CRADD: variants seen among roughly 807,000 people sequenced by gnomAD.
CRADD encodes the protein death domain-containing protein CRADD.
A neutral mutation model predicts 15.5 loss-of-function variants in CRADD; 9 were observed. That is an observed-to-expected ratio of 0.58 (90% CI 0.35 to 1.01). CRADD has a LOEUF of 1.01. CRADD is among the 50% of genes least tolerant of loss of function. CRADD has a pLI of 0.02. For synonymous variants in CRADD, 118 were observed against 107.6 expected (o/e 1.10, Z -0.60); for missense variants, 227 against 250.3 (o/e 0.91, Z 0.63).
At chr12:93,759,498 C>G (rs1329306923) in intron 2 of CRADD, among the ~76,000 whole-genome samples, 1 of 152,104 alleles carries the variant, frequency 6.6e-6, no homozygotes, top group Non-Finnish European at 1.5e-5. Context: ...TTCTCTTCAT[C>G]TTTCATTTTG....
downstream of CRADD, among the ~76,000 whole-genome samples, chr12:93,851,364 A>G (rs1028802517): frequency 2.6e-5 from 4 of 152,062 alleles, no homozygotes; most frequent in Non-Finnish European, 5.9e-5. Flanking sequence ...TTGCATGCTC[A>G]TTGAAGAAGC....
At chr12:93,854,517 AG>A (rs1958255397), downstream of CRADD, among the ~76,000 whole-genome samples, 1 of 152,216 alleles carries the variant, frequency 6.6e-6, no homozygotes, top group Non-Finnish European at 1.5e-5. Flanking sequence ...CTCTACCAAA[AG>A]GCATGGAGAG....
In CRADD at chr12:93,814,004, G is replaced by C. The variant is rs188030371; in HGVS notation, c.299-35966G>C. On this transcript the variant is annotated intron_variant, in intron 2 of 2. Coordinates refer to ENST00000332896, the MANE Select transcript of CRADD (RefSeq NM_003805.5). ...TCCTAGACCAAAAGTCCAAATTAAG[G>C]GGTATAGGCAGTTAAGGGCAAGTGA... Among the ~76,000 whole-genome samples the C allele has an allele frequency of 5.5e-3, 843 of 152,230 alleles. 9 individuals carry two copies. Among genetic ancestry groups the C allele is most frequent in the African/African-American group, 0.019 (804 of 41,544 alleles).
chr12:93,747,000 C>T (rs1956762917), intron 2 of CRADD, among the ~76,000 whole-genome samples: 2 of 151,810 alleles, frequency 1.3e-5, no homozygotes, highest in Admixed American at 6.6e-5. Flanking sequence ...CAAATGAGTT[C>T]AGGTCAGGTC....
At chr12:93,782,683 A>G (rs1311445392) in intron 2 of CRADD, among the ~76,000 whole-genome samples, 3 of 152,032 alleles carry the variant, frequency 2.0e-5, no homozygotes, top group Admixed American at 6.5e-5. Context: ...CTGACTAACT[A>G]AAAAAATGCC....
Position 93,706,354 on chromosome 12 carries a change from A to G in CRADD, c.298+27282A>G, listed in dbSNP as rs12321096. Among the ~76,000 whole-genome samples the G allele has an allele frequency of 9.3e-3, 1,421 of 152,338 alleles. 17 individuals carry two copies. Among genetic ancestry groups the G allele is most frequent in the African/African-American group, 0.033 (1,361 of 41,550 alleles). ...ATTCATAGTATGAAAAATGTGGGTG[A>G]TAGACTATGATTAGACATAGTTCAA... On this transcript the variant is annotated intron_variant, in intron 2 of 2. Transcript: ENST00000332896.
At chr12:93,837,225 G>C (rs1248114127) in intron 2 of CRADD, 1 of 152,240 alleles carries the variant, frequency 6.6e-6, no homozygotes, top group Non-Finnish European at 1.5e-5. Context: ...AAAATTTACT[G>C]TACCAGATAT....
At chr12:93,859,713 A>G (rs1002915889) in intron 2 of CRADD, among the ~76,000 whole-genome samples, 4 of 151,526 alleles carry the variant, frequency 2.6e-5, no homozygotes, top group Admixed American at 1.3e-4. Flanking sequence ...AAAGGGTGGG[A>G]GATTTCTTTG....
At chr12:93,732,797 AT>A (rs1162797686) in intron 2 of CRADD, among the ~76,000 whole-genome samples, 4 of 152,196 alleles carry the variant, frequency 2.6e-5, no homozygotes, top group Admixed American at 1.3e-4. Context: ...AAATGACATA[AT>A]TTTTGTAAAG....
At chr12:93,750,241 G>A (rs61405115) in intron 2 of CRADD, among the ~76,000 whole-genome samples, 1,724 of 151,406 alleles carry the variant, frequency 0.011, 38 homozygotes, top group African/African-American at 0.039. Context: ...GGAGAGGGAA[G>A]TGTGGTTATC....
intron 2 of CRADD, among the ~76,000 whole-genome samples, chr12:93,684,149 AGGGCAT>A (rs1258271464): frequency 2.0e-5 from 3 of 152,192 alleles, no homozygotes; most frequent in Non-Finnish European, 4.4e-5. Flanking sequence ...AGATCAGTTG[AGGGCAT>A]TCATGCGTTC....
chr12:93,892,871 C>T (rs1189541400), intron 2 of CRADD, among the ~76,000 whole-genome samples: 6 of 152,316 alleles, frequency 3.9e-5, no homozygotes, highest in African/African-American at 1.4e-4. Context: ...AAAGCCTTTC[C>T]ATGGGCCCAT....
Position 93,679,008 on chromosome 12 carries a change from G to A in CRADD, c.234G>A (p.Glu78=). The part of the protein sequence containing the change: ...AFDTFLDSLQ[E]FPWVREKLKK... ...ATACATTCCTAGATTCCCTACAGGA[G>A]TTTCCCTGGGTCAGGGAGAAGCTGA... Residue 78 remains glutamate, a synonymous_variant, in exon 2 of 3, where the codon GAG becomes GAA. Transcript: ENST00000332896. The A allele has an allele frequency of 6.2e-7, 1 of 1,614,040 alleles. No homozygotes were observed. The highest frequency in any genetic ancestry group is 8.5e-7 in the Non-Finnish European group (1 of 1,179,864).
chr12:93,798,756 C>T (rs1957446868), intron 2 of CRADD, among the ~76,000 whole-genome samples: 1 of 152,196 alleles, frequency 6.6e-6, no homozygotes, highest in Admixed American at 6.5e-5. Flanking sequence ...ATGGCTGGCT[C>T]CTTTGGCAAG....
Position 93,850,343 on chromosome 12 carries a change from C to A in CRADD, c.*72C>A. Reference sequence around the variant, plus strand: ...GCTGAATCCTGACTTTCACTCAGAGCAGGTGGTTTTTTGTGTAGGTTTGTT... The same window carrying A: ...GCTGAATCCTGACTTTCACTCAGAGAAGGTGGTTTTTTGTGTAGGTTTGTT... On this transcript the variant is annotated 3_prime_UTR_variant, in exon 3 of 3. Transcript: ENST00000332896. The surrounding 1 kb of genome is among the most constrained non-coding windows in gnomAD (Gnocchi z 4.0). 1 of 1,499,314 alleles carries A rather than the reference C, an allele frequency of 6.7e-7. No homozygotes were observed. Among genetic ancestry groups the A allele is most frequent in the South Asian group, 1.4e-5 (1 of 71,780 alleles). 92.9% of individuals were successfully genotyped at this position (1,499,314 alleles called of 1,614,324 possible).
chr12:93,760,924 G>A (rs1378642700), intron 2 of CRADD, among the ~76,000 whole-genome samples: 1 of 151,322 alleles, frequency 6.6e-6, no homozygotes, highest in Non-Finnish European at 1.5e-5. Flanking sequence ...CCTAAGTGAT[G>A]ATCAAGGGGA....
At chr12:93,827,013 G>A (rs905099231) in intron 2 of CRADD, among the ~76,000 whole-genome samples, 2 of 152,150 alleles carry the variant, frequency 1.3e-5, no homozygotes, top group South Asian at 2.1e-4. Flanking sequence ...CCAGTGAAGT[G>A]GGGCCAGGGA....
chr12:93,769,969 T>A (rs1340664999), intron 2 of CRADD, among the ~76,000 whole-genome samples: 1 of 152,228 alleles, frequency 6.6e-6, no homozygotes, highest in Non-Finnish European at 1.5e-5. Context: ...TTAGTAGGGT[T>A]AATGGAGCTT....
intron 2 of CRADD, among the ~76,000 whole-genome samples, chr12:93,764,849 A>G (rs1957009764): frequency 6.6e-6 from 1 of 151,530 alleles, no homozygotes; most frequent in Non-Finnish European, 1.5e-5. Flanking sequence ...GAATTATAGG[A>G]CTTAACTTTC....
Sources: gnomAD v4.1 joint callset for allele counts (sites outside exome capture counted in the v4.1 genomes callset) on GRCh38, gnomAD v4.1.1 for gene constraint, Gnocchi (gnomAD v3.1) non-coding constraint, MANE v1.5 for transcripts, NCBI Gene and HGNC (gene_info 2026-07-23, HGNC 2026-07-21) for gene names.